Variants in GLI3 observed in about 807,000 individuals in gnomAD.
GLI3 encodes GLI family zinc finger 3, also known as transcription activator GLI3.
GLI3 carries 20 observed loss-of-function variants against 100.8 expected under a neutral mutation model. That is an observed-to-expected ratio of 0.20 (90% CI 0.14 to 0.29). GLI3 has a LOEUF of 0.29. GLI3 is among the 10% of genes least tolerant of loss of function. GLI3 has a pLI of 1.00. For missense variants in GLI3, 2,040 were observed against 2,128.5 expected, an observed-to-expected ratio of 0.96 and a Z score of 0.82; for synonymous variants, 938 against 860.5, an observed-to-expected ratio of 1.09 and a Z score of -1.58.
At position 42,035,841 on chromosome 7, in the gene GLI3, G is replaced by GT. The variant is rs1789423291; in HGVS notation, c.1028+4196dup. The stretch of plus-strand genomic sequence containing the variant: ...CTATGTAGAGTGGGGGTTACTGGCT[G>GT]TATTTGATAAATATAAATTATCTAG... On this transcript the variant is annotated intron_variant, in intron 7 of 14. Transcript: ENST00000395925. Among the ~76,000 whole-genome samples, 6 of 152,186 alleles carry GT rather than the reference G, an allele frequency of 3.9e-5. No homozygotes were observed. The South Asian group carries it at 1.0e-3, about 26-fold the overall frequency.
At chr7:42,040,331 A>G (rs1784107183) in intron 6 of GLI3, 92 bp from the exon 7 acceptor site, 1 of 983,312 alleles carries the variant, frequency 1.0e-6, no homozygotes, top group Non-Finnish European at 1.6e-6. Context: ...GAAGTGAAGG[A>G]TAAGAAGCTG....
chr7:42,071,038 G>A (rs988413878), intron 4 of GLI3, among the ~76,000 whole-genome samples: 6 of 152,022 alleles, frequency 3.9e-5, no homozygotes, highest in African/African-American at 1.2e-4. Context: ...AGAAACAAAA[G>A]AAAAATGATG....
intron 2 of GLI3, among the ~76,000 whole-genome samples, chr7:42,210,993 G>A (rs1788261375): frequency 1.3e-5 from 2 of 152,180 alleles, no homozygotes; most frequent in African/African-American, 2.4e-5. Context: ...ATGCTGATAT[G>A]TGTGTGTGTG....
intron 2 of GLI3, among the ~76,000 whole-genome samples, chr7:42,160,779 G>A (rs541424721): frequency 6.6e-6 from 1 of 152,288 alleles, no homozygotes; most frequent in South Asian, 2.1e-4. Flanking sequence ...GTGCAGAAGA[G>A]AGCTCCGTAA....
At chr7:42,069,082 T>A (rs1784734506) in intron 4 of GLI3, among the ~76,000 whole-genome samples, 1 of 152,146 alleles carries the variant, frequency 6.6e-6, no homozygotes, top group Admixed American at 6.5e-5. Flanking sequence ...GTCGGCGGCT[T>A]CCGGTTCAGT....
At chr7:42,145,611 C>CAAGA in intron 3 of GLI3, 1 of 341,226 alleles carries the variant, frequency 2.9e-6, no homozygotes, top group Middle Eastern at 6.9e-4. Context: ...CCAGGTCTGG[C>CAAGA]AAGAAAGAAA....
Position 42,148,473 on chromosome 7 carries a change from A to G in GLI3, c.125-5T>C, listed in dbSNP as rs1244020351. 1.2e-6 allele frequency: 2 copies of G among 1,612,934 alleles called. No individual in the cohort carries two copies. The highest frequency in any genetic ancestry group is 8.5e-7 in the Non-Finnish European group (1 of 1,179,058). The stretch of plus-strand genomic sequence containing the variant: ...TCTGTCCAGGACTTTCATCCTCTAA[A>G]GAAAGAAGAAAAATGAAAGACTCTG... On this transcript the variant is annotated splice_polypyrimidine_tract_variant and splice_region_variant and intron_variant, in intron 2 of 14. Transcript: ENST00000395925.
At chr7:42,001,182 T>G (rs574573569) in intron 10 of GLI3, among the ~76,000 whole-genome samples, 1 of 142,738 alleles carries the variant, frequency 7.0e-6, no homozygotes. Flanking sequence ...GAGGTGAAGG[T>G]TGCAGTGAGC....
intron 2 of GLI3, among the ~76,000 whole-genome samples, chr7:42,163,563 G>T (rs1202691516): frequency 6.6e-6 from 1 of 151,908 alleles, no homozygotes. Context: ...CGAGTAGCTG[G>T]AATTACAGGC....
intron 10 of GLI3, among the ~76,000 whole-genome samples, chr7:42,020,759 G>C (rs1178765070): frequency 6.6e-6 from 1 of 151,958 alleles, no homozygotes; most frequent in Admixed American, 6.6e-5. Context: ...GCGTGGTAGC[G>C]GGCGCCTGTA....
chr7:42,206,000 G>T (rs1788143355), intron 2 of GLI3, among the ~76,000 whole-genome samples: 1 of 152,162 alleles, frequency 6.6e-6, no homozygotes, highest in Admixed American at 6.5e-5. Flanking sequence ...AGGTGCAGTG[G>T]CTCATGCCTG....
intron 4 of GLI3, among the ~76,000 whole-genome samples, chr7:42,070,456 C>G (rs1382827497): frequency 1.3e-5 from 2 of 152,168 alleles, no homozygotes; most frequent in African/African-American, 4.8e-5. Context: ...TTTTCACTAG[C>G]AAGGCATGGA....
chr7:42,139,058 C>T (rs905880392), intron 3 of GLI3, among the ~76,000 whole-genome samples: 2 of 152,194 alleles, frequency 1.3e-5, no homozygotes, highest in African/African-American at 2.4e-5. Context: ...AGCTGAATTT[C>T]ACTTGGTTAT....
chr7:42,076,185 C>T (rs555511567), intron 4 of GLI3, among the ~76,000 whole-genome samples: 155 of 152,274 alleles, frequency 1.0e-3, no homozygotes, highest in African/African-American at 3.6e-3. Context: ...CAAGAGATTT[C>T]CTTTTTCCTT....
intron 2 of GLI3, among the ~76,000 whole-genome samples, chr7:42,165,561 G>T (rs1055138466): frequency 6.6e-6 from 1 of 152,172 alleles, no homozygotes. Context: ...AGACACAACT[G>T]TACCATACAA....
chr7:42,224,179 G>T (rs1056191868), intron 1 of GLI3, among the ~76,000 whole-genome samples: 2 of 152,134 alleles, frequency 1.3e-5, no homozygotes, highest in African/African-American at 2.4e-5. Flanking sequence ...AAGAATACAA[G>T]AAAAGAGGAA....
At chr7:42,034,565 G>A (rs1448018761) in intron 7 of GLI3, among the ~76,000 whole-genome samples, 1 of 152,024 alleles carries the variant, frequency 6.6e-6, no homozygotes, top group African/African-American at 2.4e-5. Context: ...AACCTGCCCC[G>A]TGTTTAACTG....
intron 3 of GLI3, among the ~76,000 whole-genome samples, chr7:42,144,325 A>G (rs1786648469): frequency 6.6e-6 from 1 of 152,128 alleles, no homozygotes; most frequent in African/African-American, 2.4e-5. Context: ...ACGCTCCCCC[A>G]AATTATAAAG....
intron 13 of GLI3, among the ~76,000 whole-genome samples, chr7:41,968,820 C>T (rs576081536): frequency 4.0e-5 from 6 of 151,046 alleles, no homozygotes; most frequent in Non-Finnish European, 5.9e-5. Flanking sequence ...AGATCACAGC[C>T]GTCATGAGTC....
Sources: gnomAD v4.1 joint callset for allele counts (sites outside exome capture counted in the v4.1 genomes callset) on GRCh38, gnomAD v4.1.1 for gene constraint, MANE v1.5 for transcripts, NCBI Gene and HGNC (gene_info 2026-07-23, HGNC 2026-07-21) for gene names.